ZNF177: variants seen among roughly 807,000 people sequenced by gnomAD.
ZNF177 encodes zinc finger protein 177.
ZNF177 carries 17 observed loss-of-function variants against 19.4 expected under a neutral mutation model. The ratio of observed to expected loss-of-function variants is 0.87; its 90% CI spans 0.60 to 1.31. The LOEUF (loss-of-function observed/expected upper bound fraction) is 1.31. ZNF177 is among the 40% of genes most tolerant of loss of function. The pLI is 0.00. For missense variants in ZNF177, 633 were observed against 561.8 expected (o/e 1.13, Z -1.28); for synonymous variants, 220 against 188.7 (o/e 1.17, Z -1.36).
exon 6 of ZNF177, chr19:9,381,785 CAG>C (rs1568386123): frequency 1.3e-6 from 2 of 1,583,206 alleles, no homozygotes; most frequent in African/African-American, 1.4e-5. Flanking sequence ...TGAAATGACT[CAG>C]GGAAGTGTTT....
At chr19:9,367,270 G>A (rs111340603) in intron 2 of ZNF177, among the ~76,000 whole-genome samples, 44,882 of 151,686 alleles carry the variant, frequency 0.3, 8,123 homozygotes, top group Non-Finnish European at 0.41. Context: ...AGCAGAGATC[G>A]CACCACTGCA....
chr19:9,381,598 A>G, exon 6 of ZNF177: 1 of 1,612,232 alleles, frequency 6.2e-7, no homozygotes, highest in South Asian at 1.1e-5. Flanking sequence ...TGGTGAGAAA[A>G]CCTATGAGTG....
At chr19:9,372,503 T>C, upstream of ZNF177, among the ~76,000 whole-genome samples, 1 of 151,346 alleles carries the variant, frequency 6.6e-6, no homozygotes, top group East Asian at 1.9e-4. Flanking sequence ...ACATCTGTTC[T>C]CTCCCTTGCT....
At chr19:9,378,618 C>G (rs773006589) in intron 2 of ZNF177, 43 of 585,894 alleles carry the variant, frequency 7.3e-5, no homozygotes, top group Non-Finnish European at 1.0e-4. Flanking sequence ...AATTATTTAT[C>G]ATTTCTCAAG....
chr19:9,372,449 T>C (rs1251252938), upstream of ZNF177, among the ~76,000 whole-genome samples: 1 of 151,942 alleles, frequency 6.6e-6, no homozygotes, highest in Non-Finnish European at 1.5e-5. Context: ...ACTATGTACC[T>C]ACCACCCAGC....
chr19:9,380,657 CT>C lies in ZNF177; in HGVS notation c.337-7del. On this transcript the variant is annotated splice_polypyrimidine_tract_variant and intron_variant, in intron 5 of 5. Transcript: ENST00000589262. ...AAAGCCTCTAGTCACCACTTACTCC[CT>C]TTTCAACAGGCAGAAAATCAACCTG... 6.5e-7 allele frequency: 1 copy of C among 1,535,740 alleles called. No homozygotes were observed. The highest frequency in any genetic ancestry group is 2.4e-5 in the East Asian group (1 of 40,902).
At chr19:9,381,443 G>C (rs2068200007) in exon 6 of ZNF177, 3 of 1,611,186 alleles carry the variant, frequency 1.9e-6, no homozygotes, top group African/African-American at 1.3e-5. Flanking sequence ...TATGAATGCA[G>C]TGACTGTGGA....
chr19:9,372,371 ACTTT>A (rs553801108), upstream of ZNF177, among the ~76,000 whole-genome samples: 14 of 152,122 alleles, frequency 9.2e-5, no homozygotes, highest in East Asian at 2.3e-3. Context: ...TGGAAATTTT[ACTTT>A]CTTTTTAAAA....
chr19:9,369,291 A>C (rs2068018519), intron 2 of ZNF177, among the ~76,000 whole-genome samples: 1 of 152,034 alleles, frequency 6.6e-6, no homozygotes, highest in Admixed American at 6.6e-5. Context: ...TAATTGTGCT[A>C]GCTTCTGCTT....
upstream of ZNF177, among the ~76,000 whole-genome samples, chr19:9,373,616 A>T (rs1447474332): frequency 6.6e-6 from 1 of 152,078 alleles, no homozygotes; most frequent in Non-Finnish European, 1.5e-5. Context: ...TTATCCTTTG[A>T]CTTTTTGATA....
At chr19:9,366,519 G>C (rs2067982082) in intron 2 of ZNF177, among the ~76,000 whole-genome samples, 1 of 152,132 alleles carries the variant, frequency 6.6e-6, no homozygotes, top group Non-Finnish European at 1.5e-5. Flanking sequence ...GCCTCCCTAA[G>C]TGCTGAGGAT....
At chr19:9,371,932 A>G (rs1246999301), upstream of ZNF177, among the ~76,000 whole-genome samples, 1 of 152,072 alleles carries the variant, frequency 6.6e-6, no homozygotes, top group Non-Finnish European at 1.5e-5. Flanking sequence ...TATCCATTCA[A>G]ATTTTTATTA....
At chr19:9,375,373 G>T (rs1599390315), upstream of ZNF177, among the ~76,000 whole-genome samples, 1 of 151,976 alleles carries the variant, frequency 6.6e-6, no homozygotes, top group African/African-American at 2.4e-5. Flanking sequence ...TGAGGAGTTT[G>T]GTTGGGCTCC....
chr19:9,378,069 T>C (rs1262781430), intron 1 of ZNF177, among the ~76,000 whole-genome samples, 190 bp from the exon 4 acceptor site: 3 of 152,082 alleles, frequency 2.0e-5, no homozygotes, highest in African/African-American at 7.2e-5. Context: ...TAGAAAAAAG[T>C]CCAAGAAAAA....
At chr19:9,367,374 C>G (rs554666705) in intron 2 of ZNF177, among the ~76,000 whole-genome samples, 27 of 151,800 alleles carry the variant, frequency 1.8e-4, no homozygotes, top group African/African-American at 6.5e-4. Context: ...CGAAAGTTTT[C>G]AGGTTGAAAA....
Position 9,378,221 on chromosome 19 carries a change from C to A in ZNF177, c.-53-38C>A, listed in dbSNP as rs2068139724. ...CAGCCTGCTAGTGTTGAACATCTAGCAGGCCTAGACTCTAATGGCTTCTGT... is the reference window on the plus strand; with the variant it reads ...CAGCCTGCTAGTGTTGAACATCTAGAAGGCCTAGACTCTAATGGCTTCTGT... On this transcript the variant is annotated intron_variant, in intron 1 of 5. Transcript: ENST00000589262. 3.9e-6 allele frequency: 6 copies of A among 1,542,464 alleles called. No individual in the cohort carries two copies. In the South Asian group the frequency reaches 7.4e-5, roughly 19 times the overall value.
intron 2 of ZNF177, among the ~76,000 whole-genome samples, chr19:9,369,129 A>G (rs1049879649): frequency 1.3e-5 from 2 of 152,066 alleles, no homozygotes; most frequent in South Asian, 4.1e-4. Flanking sequence ...GAATCTATGT[A>G]TACTCCATAC....
intron 2 of ZNF177, among the ~76,000 whole-genome samples, chr19:9,371,159 T>C (rs1219329280): frequency 6.6e-6 from 1 of 152,206 alleles, no homozygotes; most frequent in Non-Finnish European, 1.5e-5. Flanking sequence ...CATCTCTAGT[T>C]GGTTCATCAC....
chr19:9,375,564 A>G (rs1568383055), upstream of ZNF177, among the ~76,000 whole-genome samples: 1 of 152,082 alleles, frequency 6.6e-6, no homozygotes. Flanking sequence ...AGCAGGTTAT[A>G]TATTTCTAGG....
Sources: allele counts gnomAD v4.1 joint callset (sites outside exome capture counted in the v4.1 genomes callset), GRCh38; gene constraint gnomAD v4.1.1; transcripts MANE v1.5; gene names NCBI Gene and HGNC (gene_info 2026-07-23, HGNC 2026-07-21).